The following AFF2 variants were observed in gnomAD, a reference collection of about 807,000 sequenced individuals.
The protein encoded by AFF2 is ALF transcription elongation factor 2.
In AFF2, 14 loss-of-function variants were observed where a neutral mutation model predicts 76.9. The observed-to-expected ratio is 0.18, with a 90% CI of 0.12 to 0.28. The LOEUF is 0.28. Ranked by LOEUF, AFF2 falls within the 10% of genes least tolerant of loss-of-function variation. The probability of loss-of-function intolerance (pLI) is 1.00; values close to 1 mark genes in which losing one functional copy is unlikely to be tolerated. For missense variants in AFF2, 868 were observed against 1,001.1 expected (o/e 0.87, Z 1.79); for synonymous variants, 398 against 366.7 (o/e 1.09, Z -0.98).
chrX:148,580,755 A>ATATG (rs1569551560), intron 1 of AFF2, among the ~76,000 whole-genome samples: 1 of 108,847 alleles, frequency 9.2e-6, no homozygotes, highest in African/African-American at 3.3e-5. Flanking sequence ...GTATATATAT[A>ATATG]TGTGTGTGTA....
At chrX:148,762,420 T>TATATATATATATATATAC (rs1225408056) in intron 3 of AFF2, among the ~76,000 whole-genome samples, 5 of 101,121 alleles carry the variant, frequency 4.9e-5, no homozygotes, top group African/African-American at 2.2e-4. Flanking sequence ...TATATATATA[T>TATATATATATATATATAC]ACACATGCAC....
rs1358672379 is a variant in AFF2 at position 148,723,506 on chromosome X, TA to T, written c.1041+60749del. The stretch of plus-strand genomic sequence containing the variant: ...TTAGGCAGAAGATGAGGAGTGAGAA[TA>T]AAAAAAAAAATAACTTCAGTAGACA... On this transcript the variant is annotated intron_variant, in intron 3 of 20. Coordinates refer to ENST00000370460, the MANE Select transcript of AFF2 (RefSeq NM_002025.4). Among the ~76,000 whole-genome samples the T allele has an allele frequency of 4.4e-3, 454 of 104,318 alleles. 1 individual carries two copies. Among genetic ancestry groups the T allele is most frequent in the Non-Finnish European group, 6.1e-3 (310 of 50,492 alleles). 90.6% of individuals were successfully genotyped at this position (104,318 alleles called of 115,157 possible).
intron 3 of AFF2, among the ~76,000 whole-genome samples, chrX:148,677,556 G>C (rs1264456715): frequency 8.9e-6 from 1 of 112,316 alleles, no homozygotes; most frequent in African/African-American, 3.2e-5. Context: ...GTTTCTATTA[G>C]TAATGCAGTA....
chrX:148,557,471 G>T (rs1306237064), intron 1 of AFF2, among the ~76,000 whole-genome samples: 2 of 111,918 alleles, frequency 1.8e-5, no homozygotes, highest in Admixed American at 1.9e-4. Flanking sequence ...GCTGCATCTG[G>T]CAGAGCCTTC....
intron 3 of AFF2, among the ~76,000 whole-genome samples, chrX:148,784,900 G>A (rs1157542490): frequency 9.0e-6 from 1 of 111,518 alleles, no homozygotes; most frequent in African/African-American, 3.3e-5. Flanking sequence ...TGCCCCTCTC[G>A]GAGACAGACA....
chrX:148,524,064 ACAGCTTT>A (rs2052629230), intron 1 of AFF2, among the ~76,000 whole-genome samples: 1 of 108,671 alleles, frequency 9.2e-6, no homozygotes, highest in Non-Finnish European at 1.9e-5. Flanking sequence ...GTACTGATGT[ACAGCTTT>A]GGTTGAAGCC....
chrX:148,607,321 A>G (rs781938212), intron 1 of AFF2, among the ~76,000 whole-genome samples: 1 of 111,435 alleles, frequency 9.0e-6, no homozygotes, highest in African/African-American at 3.3e-5. Context: ...AGATCCCATA[A>G]TCCCCATGTG....
At chrX:148,747,128 G>C (rs1355294141) in intron 3 of AFF2, among the ~76,000 whole-genome samples, 1 of 111,532 alleles carries the variant, frequency 9.0e-6, no homozygotes, top group African/African-American at 3.3e-5. Context: ...GTTATTGTTG[G>C]CAGTAACCAA....
chrX:148,763,997 T>C (rs2069482742), intron 3 of AFF2, among the ~76,000 whole-genome samples: 1 of 112,323 alleles, frequency 8.9e-6, no homozygotes, highest in African/African-American at 3.2e-5. Flanking sequence ...AATAATTACA[T>C]TAATCTGTAG....
rs1461963161 is a variant in AFF2, at chrX:148,717,430, T to C, written c.1041+54662T>C. ...GGGAACACAGAGTAACTGCTTAATA[T>C]GTAGAGTCTCTCCTTTTCGGGTGAT... is the stretch of plus-strand genomic sequence containing the variant. On this transcript the variant is annotated intron_variant, in intron 3 of 20. Coordinates refer to ENST00000370460, the MANE Select transcript of AFF2 (RefSeq NM_002025.4). Among the ~76,000 whole-genome samples, 21 of 112,118 alleles carry C rather than the reference T, an allele frequency of 1.9e-4. 1 individual carries two copies. The Admixed American group carries it at 2.0e-3, about 11-fold the overall frequency.
intron 4 of AFF2, among the ~76,000 whole-genome samples, chrX:148,817,874 C>G (rs952180623): frequency 9.0e-6 from 1 of 111,571 alleles, no homozygotes; most frequent in African/African-American, 3.2e-5. Flanking sequence ...AAAAATTACA[C>G]AGTCATCTTC....
chrX:148,562,642 A>G (rs2053126656), intron 1 of AFF2, among the ~76,000 whole-genome samples: 1 of 111,590 alleles, frequency 9.0e-6, no homozygotes, highest in Admixed American at 9.5e-5. Flanking sequence ...TCCAAACAAA[A>G]CCCCAAACAA....
intron 8 of AFF2, among the ~76,000 whole-genome samples, chrX:148,893,845 C>A (rs920290301): frequency 8.9e-6 from 1 of 111,976 alleles, no homozygotes; most frequent in African/African-American, 3.2e-5. Context: ...GTACAGACTT[C>A]AGTTGAAGTG....
chrX:148,956,165 C>A lies in AFF2; in HGVS notation c.2120C>A (p.Ser707Tyr), dbSNP rs2072035716. ...YRGPGKIVPK[S>Y]REFIETDSST... ...GGGCCTGGCAAGATTGTGCCAAAGT[C>A]TCGGGAATTCATTGAAACAGATTCA... Residue 707 changes from serine (S) to tyrosine (Y), a missense_variant, in exon 11 of 21, where the codon TCT (serine) becomes TAT (tyrosine). Ser to Tyr is a moderately radical substitution (Grantham distance 144, BLOSUM62 -2). Around this residue, in one of 6 missense-constraint regions of AFF2, gnomAD observed 532 missense variants for 564.2 expected, o/e 0.94. Transcript: ENST00000370460. 1 of 1,208,305 alleles carries A rather than the reference C, an allele frequency of 8.3e-7. No homozygotes were observed. Among genetic ancestry groups the A allele is most frequent in the Non-Finnish European group, 1.1e-6 (1 of 894,819 alleles).
chrX:148,668,193 TG>T (rs781893516), intron 3 of AFF2, among the ~76,000 whole-genome samples: 45 of 113,339 alleles, frequency 4.0e-4, no homozygotes, highest in Non-Finnish European at 7.3e-4. Flanking sequence ...CAGGTCATGC[TG>T]ATGCAAGAGG....
intron 7 of AFF2, among the ~76,000 whole-genome samples, chrX:148,873,850 A>G (rs2071006093): frequency 8.9e-6 from 1 of 111,882 alleles, no homozygotes; most frequent in Non-Finnish European, 1.9e-5. Context: ...GATTGAACTA[A>G]CATGTTATTC....
At position 148,671,383 on chromosome X, in the gene AFF2, A is replaced by G. The variant is rs1250701171; in HGVS notation, c.1041+8615A>G. Among the ~76,000 whole-genome samples the G allele has an allele frequency of 2.7e-5, 3 of 112,019 alleles. No homozygotes were observed. In the Admixed American group the frequency reaches 2.9e-4, roughly 11 times the overall value. On this transcript the variant is annotated intron_variant, in intron 3 of 20. Transcript: ENST00000370460. ...TGGAAAGTGTGAAATATTGCAAAGC[A>G]TAGTTTTAATGAGGTATACTGAGAT...
chrX:148,775,668 C>A (rs1185775561), intron 3 of AFF2, among the ~76,000 whole-genome samples: 1 of 111,284 alleles, frequency 9.0e-6, no homozygotes, highest in African/African-American at 3.3e-5. Context: ...CAGTCTTTGG[C>A]TTGTGGCCTC....
In AFF2 at chrX:148,622,635, C is replaced by T. The variant is rs145287448; in HGVS notation, c.48-29364C>T. Among the ~76,000 whole-genome samples the T allele has an allele frequency of 2.2e-3, 246 of 111,704 alleles. 2 individuals are homozygous for T. Among genetic ancestry groups the T allele is most frequent in the African/African-American group, 7.2e-3 (221 of 30,740 alleles). On this transcript the variant is annotated intron_variant, in intron 1 of 20. Transcript: ENST00000370460. ...ACAAGCACCTACTCTATAGGTGCAG[C>T]GCTCAGTGCTGGGAGCTGACAGGCT...
Sources: allele counts gnomAD v4.1 joint callset (sites outside exome capture counted in the v4.1 genomes callset), GRCh38; gene constraint gnomAD v4.1.1; regional missense constraint gnomAD v4.1.1; transcripts MANE v1.5; gene names NCBI Gene and HGNC (gene_info 2026-07-23, HGNC 2026-07-21).